The following CGGBP1 variants were observed in gnomAD, a reference collection of about 807,000 sequenced individuals.
The protein encoded by CGGBP1 is CGG triplet repeat binding protein 1.
A neutral mutation model predicts 11.4 loss-of-function variants in CGGBP1; 4 were observed. The ratio of observed to expected loss-of-function variants is 0.35; its 90% CI spans 0.17 to 0.80. The LOEUF is 0.80. Among genes scored for constraint, CGGBP1 ranks in the 30% least tolerant of loss-of-function variants. CGGBP1 has a pLI of 0.52. For missense variants in CGGBP1, 135 were observed against 202.1 expected (o/e 0.67, Z 2.01); for synonymous variants, 76 against 74.1 (o/e 1.03, Z -0.13).
In CGGBP1 at chr3:88,074,595, G is replaced by A. The variant is rs140726258; in HGVS notation, c.-228-16372C>T. 7.2e-5 allele frequency among the ~76,000 whole-genome samples: 11 copies of A among 152,222 alleles called. No homozygotes were observed. In the East Asian group the frequency reaches 1.5e-3, roughly 21 times the overall value. On this transcript the variant is annotated intron_variant, in intron 2 of 3. Coordinates refer to the CGGBP1 transcript ENST00000462901. Reference sequence around the variant, plus strand: ...GACCTCAAGTGATCCGCCTGCCTCGGCCTTCCAAAGTGCTGGATTATAAGC... The same window carrying A: ...GACCTCAAGTGATCCGCCTGCCTCGACCTTCCAAAGTGCTGGATTATAAGC...
At chr3:88,124,822 G>A (rs1317990072) in intron 2 of CGGBP1, among the ~76,000 whole-genome samples, 3 of 149,598 alleles carry the variant, frequency 2.0e-5, no homozygotes, top group African/African-American at 7.4e-5. Context: ...TTTTCTTAAC[G>A]CTTTAAGCTC....
chr3:88,088,025 T>C (rs1443449185), intron 2 of CGGBP1, among the ~76,000 whole-genome samples: 2 of 152,152 alleles, frequency 1.3e-5, no homozygotes, highest in Non-Finnish European at 2.9e-5. Context: ...TACTACAAAA[T>C]CCAAAACCTG....
chr3:88,136,158 C>T (rs1429820721), intron 2 of CGGBP1, among the ~76,000 whole-genome samples: 1 of 152,030 alleles, frequency 6.6e-6, no homozygotes, highest in African/African-American at 2.4e-5. Flanking sequence ...ATCAGAATCA[C>T]CTGTAAAACT....
intron 2 of CGGBP1, among the ~76,000 whole-genome samples, chr3:88,086,753 A>G (rs890606508): frequency 2.0e-5 from 3 of 152,156 alleles, no homozygotes; most frequent in Admixed American, 6.5e-5. Context: ...CAGGTCAGAA[A>G]GAGGTTAGGA....
chr3:88,110,045 G>C (rs1704994732), intron 2 of CGGBP1, among the ~76,000 whole-genome samples: 1 of 152,082 alleles, frequency 6.6e-6, no homozygotes. Flanking sequence ...TTTCCTTATA[G>C]ATTGTTGAAG....
At chr3:88,062,164 T>G (rs1262669637), upstream of CGGBP1, among the ~76,000 whole-genome samples, 1 of 152,180 alleles carries the variant, frequency 6.6e-6, no homozygotes, top group African/African-American at 2.4e-5. Flanking sequence ...GGCTCTTAAC[T>G]GATACTTAAT....
upstream of CGGBP1, among the ~76,000 whole-genome samples, chr3:88,059,845 T>A (rs1320260037): frequency 1.3e-5 from 2 of 152,156 alleles, no homozygotes; most frequent in Non-Finnish European, 2.9e-5. Context: ...TTCTTATGTT[T>A]CCTACCCTGG....
intron 1 of CGGBP1, among the ~76,000 whole-genome samples, chr3:88,149,225 C>T (rs1458157124): frequency 6.6e-6 from 1 of 152,146 alleles, no homozygotes; most frequent in Non-Finnish European, 1.5e-5. Flanking sequence ...CCCCCACAGC[C>T]CCAAGAGGTA....
In CGGBP1 at chr3:88,057,234, TAA is replaced by T. The variant is rs1399776808; in HGVS notation, c.-69_-68del. On this transcript the variant is annotated 5_prime_UTR_variant, in exon 3 of 4. Transcript: ENST00000482016. ...CATGAACTCTCTTTCAAAAGGACTT[TAA>T]ATTGCCAACGTATCAGACAGTCATG... is the stretch of plus-strand genomic sequence containing the variant. 1.3e-5 allele frequency: 2 copies of T among 152,194 alleles called. No individual in the cohort carries two copies. The highest frequency in any genetic ancestry group is 2.9e-5 in the Non-Finnish European group (2 of 68,028). The allele number at this position is 152,194 out of a possible 1,614,324, so 9.4% of individuals were successfully genotyped here.
intron 2 of CGGBP1, among the ~76,000 whole-genome samples, chr3:88,124,856 T>C (rs7639420): frequency 0.78 from 118,604 of 151,448 alleles, 47,379 homozygotes; most frequent in South Asian, 0.91. Context: ...TTGAAAATAA[T>C]ACTTTTACTA....
At chr3:88,126,142 G>C in intron 2 of CGGBP1, 1 of 1,507,490 alleles carries the variant, frequency 6.6e-7, no homozygotes. Context: ...AGGAATGCCA[G>C]AATCACCTCC....
intron 1 of CGGBP1, among the ~76,000 whole-genome samples, chr3:88,058,493 C>A (rs1279845322): frequency 6.6e-6 from 1 of 152,116 alleles, no homozygotes; most frequent in Non-Finnish European, 1.5e-5. Flanking sequence ...ACGTTCCCGG[C>A]GTCTGGGCTC....
At chr3:88,067,378 C>G (rs993284628) in intron 2 of CGGBP1, among the ~76,000 whole-genome samples, 1 of 152,146 alleles carries the variant, frequency 6.6e-6, no homozygotes, top group African/African-American at 2.4e-5. Flanking sequence ...CTGGACTTAA[C>G]AGAAGCCAGA....
At position 88,054,200 on chromosome 3, in the gene CGGBP1, T is replaced by G. The variant is rs1385458731; in HGVS notation, c.*1273A>C. On this transcript the variant is annotated 3_prime_UTR_variant, in exon 4 of 4. Transcript: ENST00000482016. ...TTTTTAACTTGAATTTCAAAGAATTTAAGATTTTTTATTAAAGCTCTAGTC... is the reference window on the plus strand; with the variant it reads ...TTTTTAACTTGAATTTCAAAGAATTGAAGATTTTTTATTAAAGCTCTAGTC... 6.6e-6 allele frequency: 1 copy of G among 152,628 alleles called. No individual in the cohort carries two copies. Among genetic ancestry groups the G allele is most frequent in the African/African-American group, 2.4e-5 (1 of 41,470 alleles). 9.5% of individuals were successfully genotyped at this position (152,628 alleles called of 1,614,324 possible).
At chr3:88,071,628 T>A (rs1480809221) in intron 2 of CGGBP1, among the ~76,000 whole-genome samples, 1 of 103,428 alleles carries the variant, frequency 9.7e-6, no homozygotes, top group Non-Finnish European at 2.0e-5. Flanking sequence ...AGAGCGAGAC[T>A]CCATCTCAAA....
chr3:88,057,599 T>C (rs1157698493), intron 2 of CGGBP1: 4 of 152,214 alleles, frequency 2.6e-5, no homozygotes, highest in Non-Finnish European at 5.9e-5. Context: ...CCAAATATGG[T>C]TAATGGTTCT....
intron 2 of CGGBP1, among the ~76,000 whole-genome samples, chr3:88,077,593 T>G (rs965747584): frequency 6.6e-6 from 1 of 152,180 alleles, no homozygotes; most frequent in Non-Finnish European, 1.5e-5. Flanking sequence ...ATGAAAAACT[T>G]GCATTTGTGG....
rs757865919 is a variant in CGGBP1, at chr3:88,058,162, G to A, written c.-269C>T. The A allele has an allele frequency of 6.6e-6, 1 of 152,162 alleles. No homozygotes were observed. Among genetic ancestry groups the A allele is most frequent in the Non-Finnish European group, 1.5e-5 (1 of 68,032 alleles). 9.4% of individuals were successfully genotyped at this position (152,162 alleles called of 1,614,324 possible). ...AATCAGTTTTTCAACAAGTGGTGGT[G>A]GGGAAATAGTTTCTGGGCTTGCACC... On this transcript the variant is annotated 5_prime_UTR_variant, in exon 2 of 4. Coordinates refer to ENST00000482016, the MANE Select transcript of CGGBP1 (RefSeq NM_001008390.2).
intron 2 of CGGBP1, among the ~76,000 whole-genome samples, chr3:88,099,477 T>TTTA (rs752164108): frequency 2.0e-5 from 3 of 152,170 alleles, no homozygotes; most frequent in Non-Finnish European, 4.4e-5. Flanking sequence ...AAAAAACTAC[T>TTTA]TTAAAGCTCA....
Sources: allele counts gnomAD v4.1 joint callset (sites outside exome capture counted in the v4.1 genomes callset), GRCh38; gene constraint gnomAD v4.1.1; transcripts MANE v1.5; gene names NCBI Gene and HGNC (gene_info 2026-07-23, HGNC 2026-07-21).